The following CPSF4 variants were observed in gnomAD, a reference collection of about 807,000 sequenced individuals.
The protein encoded by CPSF4 is cleavage and polyadenylation specificity factor subunit 4.
CPSF4 carries 11 observed loss-of-function variants against 37.7 expected under a neutral mutation model. The ratio of observed to expected loss-of-function variants is 0.29; its 90% CI spans 0.18 to 0.48. The LOEUF (loss-of-function observed/expected upper bound fraction) is 0.48. Ranked by LOEUF, CPSF4 falls within the 20% of genes least tolerant of loss-of-function variation. The pLI, the probability that CPSF4 is intolerant of heterozygous loss-of-function variation, is 0.99. For missense variants in CPSF4, 144 were observed against 359.5 expected (o/e 0.40, Z 4.85); for synonymous variants, 132 against 135.9 (o/e 0.97, Z 0.20).
At position 99,439,113 on chromosome 7, in the gene CPSF4, A is replaced by C. The variant is rs759236065; in HGVS notation, c.31A>C (p.Ile11Leu). 1 of 1,611,636 alleles carries C rather than the reference A, an allele frequency of 6.2e-7. No homozygotes were observed. The highest frequency in any genetic ancestry group is 1.1e-5 in the South Asian group (1 of 90,936). ...GGAAATCATCGCCAGCGTGGACCACATCAAGTTTGACTTGGAGATCGCGGT... is the reference window on the plus strand; with the variant it reads ...GGAAATCATCGCCAGCGTGGACCACCTCAAGTTTGACTTGGAGATCGCGGT... MQEIIASVDH[I>L]KFDLEIAVEQ... Residue 11 changes from isoleucine (I) to leucine (L), a missense_variant, in exon 1 of 8, where the codon ATC (isoleucine) becomes CTC (leucine). This residue lies in a region of CPSF4 where 42 missense variants were observed against 86.4 expected (regional missense o/e 0.49). Coordinates refer to ENST00000292476, the MANE Select transcript of CPSF4 (RefSeq NM_006693.4).
At chr7:99,439,373 T>A in intron 1 of CPSF4, 188 bp downstream of exon 1, 1 of 511,172 alleles carries the variant, frequency 2.0e-6, no homozygotes, top group Non-Finnish European at 3.4e-6. Flanking sequence ...CTCCTCCGGG[T>A]CCTGGGATCC....
chr7:99,445,246 C>G (rs1245313978), intron 2 of CPSF4, among the ~76,000 whole-genome samples: 3 of 152,132 alleles, frequency 2.0e-5, no homozygotes, highest in Non-Finnish European at 4.4e-5. Context: ...CGAAACACCC[C>G]ATGATAACCC....
intron 5 of CPSF4, 73 bp downstream of exon 5, chr7:99,450,868 G>A: frequency 9.2e-7 from 1 of 1,086,224 alleles, no homozygotes; most frequent in Non-Finnish European, 1.4e-6. Context: ...ATCTTCCCTG[G>A]GCCAACTGGG....
At chr7:99,447,369 A>G (rs1228741076) in intron 2 of CPSF4, among the ~76,000 whole-genome samples, 1 of 146,054 alleles carries the variant, frequency 6.8e-6, no homozygotes. Context: ...CCTGGGTTCA[A>G]GCGATTCTCC....
chr7:99,442,542 G>C (rs1797081980), intron 1 of CPSF4, among the ~76,000 whole-genome samples: 1 of 150,556 alleles, frequency 6.6e-6, no homozygotes, highest in South Asian at 2.1e-4. Flanking sequence ...TGTAGTCCCA[G>C]CTACTCGGGA....
intron 2 of CPSF4, 43 bp downstream of exon 2, chr7:99,444,882 T>C: frequency 1.3e-6 from 2 of 1,557,934 alleles, no homozygotes; most frequent in Non-Finnish European, 1.8e-6. Flanking sequence ...GGAGGCGCCC[T>C]CCCACCTCCT....
In CPSF4 at chr7:99,456,584, G is replaced by T; in HGVS notation, c.*84G>T. On this transcript the variant is annotated 3_prime_UTR_variant, in exon 8 of 8. Coordinates refer to ENST00000292476, the MANE Select transcript of CPSF4 (RefSeq NM_006693.4). ...AACTGTTTCATGCGCTTGTTGGCGC[G>T]ACTGTGGCTCGAGCTGGCCCGCAGA... The T allele has an allele frequency of 8.4e-7, 1 of 1,189,376 alleles. No homozygotes were observed. The highest frequency in any genetic ancestry group is 1.2e-5 in the South Asian group (1 of 80,792). 73.7% of individuals were successfully genotyped at this position (1,189,376 alleles called of 1,614,324 possible).
In CPSF4 at chr7:99,450,853, T is replaced by C. The variant is rs1402033894; in HGVS notation, c.497+58T>C. 9.3e-6 allele frequency: 12 copies of C among 1,294,826 alleles called. No homozygotes were observed. In the South Asian group the frequency reaches 1.1e-4, roughly 12 times the overall value. 80.2% of individuals were successfully genotyped at this position (1,294,826 alleles called of 1,614,324 possible). ...GCTCCCGGCCCAGGCCCTGCTGCCC[T>C]CCGTATCTTCCCTGGGCCAACTGGG... On this transcript the variant is annotated intron_variant, in intron 5 of 7. Coordinates refer to ENST00000292476, the MANE Select transcript of CPSF4 (RefSeq NM_006693.4).
In CPSF4 at chr7:99,456,613, G is replaced by A. The variant is rs368766874; in HGVS notation, c.*113G>A. On this transcript the variant is annotated 3_prime_UTR_variant, in exon 8 of 8. Transcript: ENST00000292476. ...GTGGCTCGAGCTGGCCCGCAGACAC[G>A]TGGGTTTCATCACTCTGAGGGGCCA... 19 of 868,510 alleles carry A rather than the reference G, an allele frequency of 2.2e-5. No homozygotes were observed. The highest frequency in any genetic ancestry group is 5.1e-5 in the East Asian group (2 of 39,508). The allele number at this position is 868,510 out of a possible 1,614,324, so 53.8% of individuals were successfully genotyped here. A position where few individuals can be genotyped will look rare whatever the true frequency, so the allele number is the denominator to read the frequency against.
chr7:99,450,546 GT>G, intron 4 of CPSF4, 155 bp from the exon 5 acceptor site: 1 of 761,672 alleles, frequency 1.3e-6, no homozygotes. Context: ...TGGGTGGGTG[GT>G]GGTCCACCCG....
rs935761040 is a variant in CPSF4, at chr7:99,450,611, A to G, written c.404-91A>G. On this transcript the variant is annotated intron_variant, in intron 4 of 7. Coordinates refer to ENST00000292476, the MANE Select transcript of CPSF4 (RefSeq NM_006693.4). The stretch of plus-strand genomic sequence containing the variant: ...AGGTGAGGTCCCTGCCCCGTCTCCC[A>G]TGAATGGGGGACAGCCAGCATTTGA... The G allele has an allele frequency of 4.7e-5, 53 of 1,116,746 alleles. No homozygotes were observed. The African/African-American group carries it at 6.9e-4, about 15-fold the overall frequency. The allele number at this position is 1,116,746 out of a possible 1,614,324, so 69.2% of individuals were successfully genotyped here.
At position 99,448,073 on chromosome 7, in the gene CPSF4, G is replaced by C. The variant is rs755491486; in HGVS notation, c.155-48G>C. On this transcript the variant is annotated intron_variant, in intron 2 of 7. Transcript: ENST00000292476. This position sits in a 1 kb window ranked among gnomAD's most constrained non-coding sequence, Gnocchi z 4.4. Reference sequence around the variant, plus strand: ...AGCTTCTTCAGGCCGTGTCCCCCAGGCTCAGGGTGGCCTCTCTGCTGACAC... The same window carrying C: ...AGCTTCTTCAGGCCGTGTCCCCCAGCCTCAGGGTGGCCTCTCTGCTGACAC... The C allele has an allele frequency of 6.2e-7, 1 of 1,601,366 alleles. No individual in the cohort carries two copies. Among genetic ancestry groups the C allele is most frequent in the South Asian group, 1.1e-5 (1 of 89,738 alleles).
chr7:99,440,676 T>TATATATATA (rs1562852973), intron 1 of CPSF4, among the ~76,000 whole-genome samples: 53 of 62,154 alleles, frequency 8.5e-4, no homozygotes, highest in African/African-American at 5.0e-3. Context: ...ATATATATAT[T>TATATATATA]TTTTTTTTTT....
At chr7:99,440,593 G>C (rs1280140413) in intron 1 of CPSF4, among the ~76,000 whole-genome samples, 1 of 146,986 alleles carries the variant, frequency 6.8e-6, no homozygotes, top group Non-Finnish European at 1.5e-5. Flanking sequence ...CTGGGCTCAA[G>C]TGATCCTTTT....
rs1176800262 is a variant in CPSF4 at position 99,448,041 on chromosome 7, G to C, written c.155-80G>C. 3 of 1,457,776 alleles carry C rather than the reference G, an allele frequency of 2.1e-6. No individual in the cohort carries two copies. The highest frequency in any genetic ancestry group is 2.8e-6 in the Non-Finnish European group (3 of 1,058,698). 90.3% of individuals were successfully genotyped at this position (1,457,776 alleles called of 1,614,324 possible). A position where few individuals can be genotyped will look rare whatever the true frequency, so the allele number is the denominator to read the frequency against. ...TGGCTCCAGGAGTTAGGAAGTGAAG[G>C]TACCTCAGCTTCTTCAGGCCGTGTC... On this transcript the variant is annotated intron_variant, in intron 2 of 7. Coordinates refer to ENST00000292476, the MANE Select transcript of CPSF4 (RefSeq NM_006693.4). The surrounding 1 kb of genome is among the most constrained non-coding windows in gnomAD (Gnocchi z 4.4).
chr7:99,440,879 C>T (rs977307667), intron 1 of CPSF4, among the ~76,000 whole-genome samples: 3 of 150,378 alleles, frequency 2.0e-5, no homozygotes, highest in Non-Finnish European at 4.4e-5. Flanking sequence ...CAAATTCACA[C>T]ACACACACCC....
chr7:99,441,065 C>T (rs1796936771), intron 1 of CPSF4, among the ~76,000 whole-genome samples: 1 of 151,584 alleles, frequency 6.6e-6, no homozygotes, highest in Non-Finnish European at 1.5e-5. Flanking sequence ...GTTCTGCTGC[C>T]TTGGCCTCCT....
intron 1 of CPSF4, among the ~76,000 whole-genome samples, chr7:99,439,928 C>T (rs1369968773): frequency 6.6e-6 from 1 of 152,168 alleles, no homozygotes; most frequent in Non-Finnish European, 1.5e-5. Context: ...CACCCAGCAG[C>T]TGGTGTGGAC....
At chr7:99,452,497 T>TC (rs1798004059) in intron 6 of CPSF4, 57 bp downstream of exon 6, 3 of 1,483,308 alleles carry the variant, frequency 2.0e-6, no homozygotes, top group Non-Finnish European at 2.8e-6. Flanking sequence ...AGCGAGAACC[T>TC]CAGTGTCCCC....
Sources: gnomAD v4.1 joint callset for allele counts (sites outside exome capture counted in the v4.1 genomes callset) on GRCh38, gnomAD v4.1.1 for gene constraint, gnomAD v4.1.1 regional missense constraint, Gnocchi (gnomAD v3.1) non-coding constraint, MANE v1.5 for transcripts, NCBI Gene and HGNC (gene_info 2026-07-23, HGNC 2026-07-21) for gene names.